Variants in UBASH3A observed in about 807,000 individuals in gnomAD.
UBASH3A encodes ubiquitin associated and SH3 domain containing A, also known as ubiquitin-associated and SH3 domain-containing protein A.
A neutral mutation model predicts 73.5 loss-of-function variants in UBASH3A; 63 were observed. The ratio of observed to expected loss-of-function variants is 0.86; its 90% CI spans 0.70 to 1.06. The LOEUF is 1.06. Among genes scored for constraint, UBASH3A ranks in the 50% least tolerant of loss-of-function variants. The pLI, the probability that UBASH3A is intolerant of heterozygous loss-of-function variation, is 0.00. For missense variants in UBASH3A, 860 were observed against 859.0 expected (o/e 1.00, Z -0.02); for synonymous variants, 363 against 351.1 (o/e 1.03, Z -0.38).
At chr21:42,415,154 C>T (rs1294784863) in intron 5 of UBASH3A, among the ~76,000 whole-genome samples, 1 of 152,228 alleles carries the variant, frequency 6.6e-6, no homozygotes, top group Non-Finnish European at 1.5e-5. Context: ...GAAACGTGCC[C>T]ATAGGCACAG....
chr21:42,439,237 T>C (rs1215214610), intron 11 of UBASH3A, among the ~76,000 whole-genome samples: 2 of 152,160 alleles, frequency 1.3e-5, no homozygotes, highest in East Asian at 3.8e-4. Context: ...AAATCCATTG[T>C]ATCAGCATGG....
intron 8 of UBASH3A, among the ~76,000 whole-genome samples, chr21:42,427,487 G>T (rs2053458008): frequency 6.6e-6 from 1 of 152,180 alleles, no homozygotes; most frequent in East Asian, 1.9e-4. Flanking sequence ...GTCCGCCTGT[G>T]CCCTGCCATG....
At chr21:42,408,829 G>A (rs1166088044) in intron 2 of UBASH3A, among the ~76,000 whole-genome samples, 3 of 150,676 alleles carry the variant, frequency 2.0e-5, no homozygotes, top group Non-Finnish European at 4.4e-5. Context: ...GTTGCAGTGA[G>A]CTGAGATTGT....
chr21:42,429,740 C>G (rs2053497110), intron 8 of UBASH3A, among the ~76,000 whole-genome samples: 1 of 152,152 alleles, frequency 6.6e-6, no homozygotes, highest in Non-Finnish European at 1.5e-5. Context: ...CAAGACAAAC[C>G]TTCCCCTGAA....
intron 3 of UBASH3A, among the ~76,000 whole-genome samples, chr21:42,411,092 C>G (rs148284351): frequency 0.014 from 2,144 of 150,554 alleles, 56 homozygotes; most frequent in African/African-American, 0.049. Flanking sequence ...CACAGAGACA[C>G]AGATACACAC....
chr21:42,440,023 ACACACACAC>A (rs908941160), intron 11 of UBASH3A, among the ~76,000 whole-genome samples: 9 of 148,532 alleles, frequency 6.1e-5, no homozygotes, highest in Non-Finnish European at 9.0e-5. Context: ...ACACACACCC[ACACACACAC>A]CACACACACC....
At chr21:42,410,070 G>T (rs1197799206) in intron 3 of UBASH3A, 3 of 702,090 alleles carry the variant, frequency 4.3e-6, no homozygotes, top group Admixed American at 2.0e-5. Flanking sequence ...CTCAAGGATG[G>T]GTGATTGTTG....
At chr21:42,408,898 TAAAATAAAATAAAATAA>T (rs1325286592) in intron 2 of UBASH3A, among the ~76,000 whole-genome samples, 24 of 127,818 alleles carry the variant, frequency 1.9e-4, no homozygotes, top group South Asian at 5.3e-4. Flanking sequence ...TAAAATAAAA[TAAAATAAAATAAAATAA>T]AATAAAATAA....
intron 9 of UBASH3A, among the ~76,000 whole-genome samples, chr21:42,432,456 A>T (rs932365024): frequency 1.5e-5 from 2 of 135,460 alleles, no homozygotes; most frequent in Non-Finnish European, 3.2e-5. Context: ...TATGCTGCTT[A>T]ACAGATGGAC....
chr21:42,447,282 CT>C lies in UBASH3A; in HGVS notation c.*90del. 1 of 1,383,010 alleles carries C rather than the reference CT, an allele frequency of 7.2e-7. No individual in the cohort carries two copies. Among genetic ancestry groups the C allele is most frequent in the Non-Finnish European group, 9.9e-7 (1 of 1,010,432 alleles). The allele number at this position is 1,383,010 out of a possible 1,614,324, so 85.7% of individuals were successfully genotyped here. A position where few individuals can be genotyped will look rare whatever the true frequency, so the allele number is the denominator to read the frequency against. On this transcript the variant is annotated 3_prime_UTR_variant, in exon 15 of 15. Coordinates refer to ENST00000319294, the MANE Select transcript of UBASH3A (RefSeq NM_018961.4). ...GAGATGCTGCTGTTTCCAGAGGCGT[CT>C]TAGTCTCACCCAATGTGATTTGTAG...
chr21:42,429,116 A>G (rs1050792819), intron 8 of UBASH3A, among the ~76,000 whole-genome samples: 3 of 152,238 alleles, frequency 2.0e-5, no homozygotes, highest in African/African-American at 7.2e-5. Context: ...CCAGAGAGGC[A>G]GAGACTGGAG....
chr21:42,413,500 T>C lies in UBASH3A; in HGVS notation c.644T>C (p.Val215Ala), dbSNP rs35391749. 3.1e-5 allele frequency: 50 copies of C among 1,612,414 alleles called. No individual in the cohort carries two copies. In the African/African-American group the frequency reaches 5.2e-4, roughly 17 times the overall value. Residue 215 changes from valine to alanine, a missense_variant, in exon 5 of 15, where the codon GTG becomes GCG. By Grantham distance (64) the Val-to-Ala change is moderately conservative (BLOSUM62 0). Transcript: ENST00000319294. The surrounding 1 kb of genome is among the most constrained non-coding windows in gnomAD (Gnocchi z 4.5). Reference protein sequence around the residue: ...RLSNLTRASFVSHYILQKYCS... With the variant: ...RLSNLTRASFASHYILQKYCS... ...AGCAATTTAACTAGAGCCTCCTTCGTGAGCCACTACATCCTTCAAAAATGT... is the reference window on the plus strand; with the variant it reads ...AGCAATTTAACTAGAGCCTCCTTCGCGAGCCACTACATCCTTCAAAAATGT...
In UBASH3A at chr21:42,431,833, G is replaced by C. The variant is rs140391588; in HGVS notation, c.1171-270G>C. 5.5e-3 allele frequency among the ~76,000 whole-genome samples: 838 copies of C among 152,326 alleles called. 13 individuals are homozygous for C. Among genetic ancestry groups the C allele is most frequent in the Admixed American group, 0.037 (561 of 15,306 alleles). On this transcript the variant is annotated intron_variant, in intron 8 of 14. Coordinates refer to ENST00000319294, the MANE Select transcript of UBASH3A (RefSeq NM_018961.4). The stretch of plus-strand genomic sequence containing the variant: ...AGAAAAGACAGAAAAGTAGAAAAAC[G>C]GATGTGTCATGATAGGGGCCAATCC...
chr21:42,410,190 AGCTCTACAGGG>A (rs2053061373), intron 3 of UBASH3A: 4 of 701,446 alleles, frequency 5.7e-6, no homozygotes, highest in Non-Finnish European at 1.0e-5. Context: ...CCCAGCAGGC[AGCTCTACAGGG>A]GCACCGGGAA....
In UBASH3A at chr21:42,426,725, C is replaced by G; in HGVS notation, c.1075C>G (p.Leu359Val). Residue 359 changes from leucine to valine, a missense_variant, in exon 8 of 15, where the codon CTG (leucine) becomes GTG (valine). Physicochemically the swap from Leu to Val is conservative, Grantham distance 32. Coordinates refer to ENST00000319294, the MANE Select transcript of UBASH3A (RefSeq NM_018961.4). ...RMYTFSLATD[L>V]NSRKDGEASS... is the part of the protein sequence containing the mutation. The stretch of plus-strand genomic sequence containing the variant: ...GTACACCTTCAGTCTAGCCACAGAC[C>G]TGAACTCCAGAAAGGATGGTGAAGC... 6.2e-7 allele frequency: 1 copy of G among 1,614,066 alleles called. No homozygotes were observed.
chr21:42,409,496 C>T lies in UBASH3A; in HGVS notation c.242C>T (p.Thr81Met), dbSNP rs142451936. 87 of 1,614,136 alleles carry T rather than the reference C, an allele frequency of 5.4e-5. No homozygotes were observed. The Admixed American group carries it at 8.3e-4, about 15-fold the overall frequency. The change falls in exon 3 of 15, where the codon ACG becomes ATG. Residue 81 changes from threonine (T) to methionine (M), a missense_variant. Thr to Met is a moderately conservative substitution (Grantham distance 81). Transcript: ENST00000319294. ...PQEYALFLCP[T>M]GPLLEKLQEF... ...GAGTATGCCCTTTTCCTCTGTCCAA[C>T]GGGGCCCCTGCTGGAAAAACTTCAA...
chr21:42,409,700 T>A, intron 3 of UBASH3A, 92 bp downstream of exon 3: 1 of 1,176,780 alleles, frequency 8.5e-7, no homozygotes, highest in Non-Finnish European at 1.2e-6. Context: ...TTGACTTATT[T>A]AAATGGGATA....
In UBASH3A at chr21:42,442,658, C is replaced by T. The variant is rs1020441364; in HGVS notation, c.1631+62C>T. The T allele has an allele frequency of 2.6e-6, 4 of 1,533,244 alleles. No individual in the cohort carries two copies. The Admixed American group carries it at 8.2e-5, about 31-fold the overall frequency. The allele number at this position is 1,533,244 out of a possible 1,614,324, so 95.0% of individuals were successfully genotyped here. A position where few individuals can be genotyped will look rare whatever the true frequency, so the allele number is the denominator to read the frequency against. On this transcript the variant is annotated intron_variant, in intron 12 of 14. Coordinates refer to ENST00000319294, the MANE Select transcript of UBASH3A (RefSeq NM_018961.4). ...TCCAGTTATTGTTAAAGAAAAATTT[C>T]ATGACACTGTTAAAATGGTAAGAAA...
chr21:42,413,641 C>A lies in UBASH3A; in HGVS notation c.667+118C>A, dbSNP rs1381010113. ...TATATGCCAACAGCCTGGGAAAGTGCCCCAGAAGGGTGTGCCAAGCATCAA... is the reference window on the plus strand; with the variant it reads ...TATATGCCAACAGCCTGGGAAAGTGACCCAGAAGGGTGTGCCAAGCATCAA... On this transcript the variant is annotated intron_variant, in intron 5 of 14. Coordinates refer to ENST00000319294, the MANE Select transcript of UBASH3A (RefSeq NM_018961.4). The surrounding 1 kb of genome is among the most constrained non-coding windows in gnomAD (Gnocchi z 4.5). The A allele has an allele frequency of 1.3e-6, 1 of 762,282 alleles. No homozygotes were observed. The highest frequency in any genetic ancestry group is 2.1e-6 in the Non-Finnish European group (1 of 479,134). The allele number at this position is 762,282 out of a possible 1,614,324, so 47.2% of individuals were successfully genotyped here.
Sources: gnomAD v4.1 joint callset for allele counts (sites outside exome capture counted in the v4.1 genomes callset) on GRCh38, gnomAD v4.1.1 for gene constraint, Gnocchi (gnomAD v3.1) non-coding constraint, MANE v1.5 for transcripts, NCBI Gene and HGNC (gene_info 2026-07-23, HGNC 2026-07-21) for gene names.